SPMIP2: variants seen among roughly 807,000 people sequenced by gnomAD.
SPMIP2 encodes protein SPMIP2.
chr4:159,018,589 C>T, the SPMIP2 span, among the ~76,000 whole-genome samples: 1 of 152,112 alleles, frequency 6.6e-6, no homozygotes, highest in African/African-American at 2.4e-5. Flanking sequence ...AAAAAATGTC[C>T]AAACTATAAA....
At chr4:158,947,835 CATTA>C in the SPMIP2 span, among the ~76,000 whole-genome samples, 1 of 151,980 alleles carries the variant, frequency 6.6e-6, no homozygotes, top group Non-Finnish European at 1.5e-5. Context: ...ATTTTTTCAT[CATTA>C]TTTAAGAAAA....
the SPMIP2 span, among the ~76,000 whole-genome samples, chr4:159,048,731 C>CTT: frequency 0.016 from 1,768 of 111,312 alleles, 24 homozygotes; most frequent in African/African-American, 0.022. Flanking sequence ...TCCCCTTCCA[C>CTT]TTTTTTTTTT....
chr4:159,007,183 C>T, the SPMIP2 span: 1 of 1,115,162 alleles, frequency 9.0e-7, no homozygotes, highest in Non-Finnish European at 1.3e-6. Flanking sequence ...GATCTTCAGG[C>T]AGAATCTTTT....
chr4:159,022,171 A>G, the SPMIP2 span, among the ~76,000 whole-genome samples: 1 of 152,180 alleles, frequency 6.6e-6, no homozygotes, highest in South Asian at 2.1e-4. Flanking sequence ...TGCAATGAAC[A>G]CAGAATTTAT....
chr4:158,927,034 T>C, the SPMIP2 span, among the ~76,000 whole-genome samples: 1 of 152,326 alleles, frequency 6.6e-6, no homozygotes, highest in South Asian at 2.1e-4. Context: ...GAGTGGGGTA[T>C]TTAATTGTCC....
At chr4:158,913,536 G>A in the SPMIP2 span, among the ~76,000 whole-genome samples, 4 of 152,084 alleles carry the variant, frequency 2.6e-5, no homozygotes, top group African/African-American at 7.2e-5. Flanking sequence ...AGTAAAATTC[G>A]ACTATGAACT....
the SPMIP2 span, chr4:158,908,045 C>T: frequency 1.3e-5 from 2 of 152,084 alleles, no homozygotes; most frequent in Non-Finnish European, 2.9e-5. Context: ...TTGAATTTAT[C>T]TTGAACATTT....
At chr4:158,935,455 G>T in the SPMIP2 span, among the ~76,000 whole-genome samples, 1 of 152,138 alleles carries the variant, frequency 6.6e-6, no homozygotes, top group Non-Finnish European at 1.5e-5. Context: ...CAGTAAATCT[G>T]TGATAAAGGG....
the SPMIP2 span, among the ~76,000 whole-genome samples, chr4:159,082,135 T>C: frequency 5.1e-5 from 7 of 138,338 alleles, no homozygotes. Context: ...CCGGCCAATA[T>C]GGCAAAACCC....
the SPMIP2 span, among the ~76,000 whole-genome samples, chr4:159,068,103 G>A: frequency 8.6e-3 from 1,316 of 152,266 alleles, 14 homozygotes; most frequent in Non-Finnish European, 0.014. Context: ...TCAGTGTGGC[G>A]ATTCCTCAGG....
chr4:159,027,869 G>GT, the SPMIP2 span, among the ~76,000 whole-genome samples: 1 of 152,004 alleles, frequency 6.6e-6, no homozygotes, highest in African/African-American at 2.4e-5. Context: ...TCATCATATC[G>GT]TTTTTTGGCC....
chr4:158,988,369 G>C, the SPMIP2 span, among the ~76,000 whole-genome samples: 1 of 152,180 alleles, frequency 6.6e-6, no homozygotes, highest in East Asian at 1.9e-4. Context: ...AGAAAAAGAG[G>C]GACTTCTGCC....
chr4:159,039,542 T>C, the SPMIP2 span, among the ~76,000 whole-genome samples: 9 of 152,304 alleles, frequency 5.9e-5, no homozygotes, highest in East Asian at 5.8e-4. Flanking sequence ...AATGAATAAA[T>C]TGATGGCATT....
the SPMIP2 span, among the ~76,000 whole-genome samples, chr4:158,934,126 A>G: frequency 2.0e-5 from 3 of 152,212 alleles, no homozygotes; most frequent in East Asian, 5.8e-4. Context: ...ACTTGAACTC[A>G]GAGTTGTTGC....
chr4:158,987,748 G>A, the SPMIP2 span, among the ~76,000 whole-genome samples: 6 of 151,900 alleles, frequency 3.9e-5, no homozygotes, highest in Non-Finnish European at 4.4e-5. Context: ...CCTGCACATT[G>A]TGCACATGTA....
the SPMIP2 span, among the ~76,000 whole-genome samples, chr4:158,997,904 A>C: frequency 6.6e-6 from 1 of 152,160 alleles, no homozygotes; most frequent in Non-Finnish European, 1.5e-5. Context: ...TGATCCTCCC[A>C]CATCGGCCTC....
At chr4:158,984,601 C>T in the SPMIP2 span, among the ~76,000 whole-genome samples, 2 of 151,650 alleles carry the variant, frequency 1.3e-5, no homozygotes. Context: ...AAAGACACAA[C>T]ATACCAGAAT....
At chr4:159,019,341 A>G in the SPMIP2 span, among the ~76,000 whole-genome samples, 8 of 150,416 alleles carry the variant, frequency 5.3e-5, no homozygotes, top group Non-Finnish European at 7.4e-5. Flanking sequence ...TAAATACACC[A>G]GTGAATGTCA....
chr4:159,056,904 T>C, the SPMIP2 span, among the ~76,000 whole-genome samples: 1 of 152,218 alleles, frequency 6.6e-6, no homozygotes, highest in Non-Finnish European at 1.5e-5. Flanking sequence ...AATTCTCATG[T>C]AATCTTCTAA....
Sources: gnomAD v4.1 joint callset for allele counts (sites outside exome capture counted in the v4.1 genomes callset) on GRCh38, gnomAD v4.1.1 for gene constraint, MANE v1.5 for transcripts, NCBI Gene and HGNC (gene_info 2026-07-23, HGNC 2026-07-21) for gene names.